The following TJP3 variants were observed in gnomAD, a reference collection of about 807,000 sequenced individuals.
The protein encoded by TJP3 is tight junction protein ZO-3.
A neutral mutation model predicts 104.2 loss-of-function variants in TJP3; 85 were observed. The observed-to-expected ratio is 0.82, with a 90% CI of 0.68 to 0.98. The LOEUF (loss-of-function observed/expected upper bound fraction) is 0.98. TJP3 is among the 50% of genes least tolerant of loss of function. TJP3 has a pLI of 0.00. For missense variants in TJP3, 1,367 were observed against 1,322.8 expected (o/e 1.03, Z -0.52); for synonymous variants, 550 against 550.6 (o/e 1.00, Z 0.02).
At chr19:3,745,503 G>A (rs1256282224) in intron 15 of TJP3, among the ~76,000 whole-genome samples, 6 of 152,086 alleles carry the variant, frequency 3.9e-5, no homozygotes, top group Non-Finnish European at 1.5e-5. Flanking sequence ...CTCCCTCCTT[G>A]AACCCCTCCA....
At chr19:3,725,956 C>A (rs570691240) in intron 1 of TJP3, among the ~76,000 whole-genome samples, 11 of 152,360 alleles carry the variant, frequency 7.2e-5, no homozygotes, top group African/African-American at 2.6e-4. Context: ...AACTGCAGAG[C>A]CCTGCCCTCT....
intron 8 of TJP3, among the ~76,000 whole-genome samples, chr19:3,735,118 A>G (rs996025956): frequency 6.6e-6 from 1 of 151,798 alleles, no homozygotes; most frequent in Non-Finnish European, 1.5e-5. Flanking sequence ...GGCCTGCCTC[A>G]GCCTCCCAAA....
chr19:3,723,447 T>C (rs2036563679), intron 1 of TJP3, among the ~76,000 whole-genome samples: 1 of 152,092 alleles, frequency 6.6e-6, no homozygotes, highest in African/African-American at 2.4e-5. Context: ...AGAAACATAC[T>C]AACCGATGGT....
At chr19:3,739,606 G>T (rs1211376395) in intron 13 of TJP3, among the ~76,000 whole-genome samples, 1 of 152,214 alleles carries the variant, frequency 6.6e-6, no homozygotes, top group Non-Finnish European at 1.5e-5. Flanking sequence ...GCTTCCTGTT[G>T]TTGCTGTAAC....
chr19:3,710,067 T>G (rs1487258113), intron 1 of TJP3, among the ~76,000 whole-genome samples: 5 of 149,130 alleles, frequency 3.4e-5, no homozygotes, highest in African/African-American at 1.2e-4. Context: ...GAGAATTGCT[T>G]GAACCCAGGA....
intron 20 of TJP3, 25 bp downstream of exon 20, chr19:3,750,209 G>C (rs1660325674): frequency 3.1e-6 from 5 of 1,613,672 alleles, no homozygotes; most frequent in Non-Finnish European, 3.4e-6. Flanking sequence ...TTCCAGATTG[G>C]GGCCCTCAAC....
chr19:3,717,582 C>A (rs1416834612), intron 1 of TJP3, among the ~76,000 whole-genome samples: 2 of 151,732 alleles, frequency 1.3e-5, no homozygotes, highest in Non-Finnish European at 2.9e-5. Flanking sequence ...ATTACAGGCG[C>A]CTGCCACCAT....
chr19:3,727,604 C>T (rs1053733835), intron 1 of TJP3, among the ~76,000 whole-genome samples: 8 of 152,058 alleles, frequency 5.3e-5, no homozygotes, highest in African/African-American at 7.2e-5. Context: ...GCAACTCAGG[C>T]GCTGTTCTAG....
At chr19:3,736,361 C>T (rs143740443) in intron 11 of TJP3, 40 bp downstream of exon 11, 15 of 1,489,298 alleles carry the variant, frequency 1.0e-5, no homozygotes, top group East Asian at 4.7e-5. Flanking sequence ...TGATCATGGG[C>T]GTGCAGTGTG....
At chr19:3,719,526 A>G (rs2036522552) in intron 1 of TJP3, among the ~76,000 whole-genome samples, 1 of 151,802 alleles carries the variant, frequency 6.6e-6, no homozygotes, top group South Asian at 2.1e-4. Context: ...ACTTGAGGCC[A>G]GGAGTTCGAG....
chr19:3,730,490 G>T lies in TJP3; in HGVS notation c.397G>T (p.Asp133Tyr). 1 of 1,586,022 alleles carries T rather than the reference G, an allele frequency of 6.3e-7. No individual in the cohort carries two copies. The change falls in exon 5 of 21, where the codon GAC (aspartate) becomes TAC (tyrosine). Residue 133 changes from aspartate to tyrosine, a missense_variant. Coordinates refer to ENST00000541714, the MANE Select transcript of TJP3 (RefSeq NM_001267560.2). The surrounding 1 kb of genome is among the most constrained non-coding windows in gnomAD (Gnocchi z 7.3). Reference sequence around the variant, plus strand: ...GGACCAGGGCCGGGGCTATGACGGCGACTCATCCAGTGGCTCCGGCCGCTC... The same window carrying T: ...GGACCAGGGCCGGGGCTATGACGGCTACTCATCCAGTGGCTCCGGCCGCTC... ...EVDQGRGYDG[D>Y]SSSGSGRSWD... is the part of the protein sequence containing the mutation.
intron 1 of TJP3, among the ~76,000 whole-genome samples, chr19:3,719,759 G>C (rs1218725725): frequency 6.6e-6 from 1 of 151,478 alleles, no homozygotes; most frequent in Admixed American, 6.6e-5. Flanking sequence ...AAAAAAGAAG[G>C]GAAGACATAT....
rs139718595 is a variant in TJP3 at position 3,738,632 on chromosome 19, G to T, written c.1362G>T (p.Glu454Asp). The T allele has an allele frequency of 5.0e-6, 8 of 1,613,808 alleles. No individual in the cohort carries two copies. Among genetic ancestry groups the T allele is most frequent in the Non-Finnish European group, 6.8e-6 (8 of 1,179,994 alleles). The part of the protein sequence containing the change: ...QFLLGLPPGE[E>D]MELVTQRKQD... ...TGCTGGGGCTGCCACCAGGCGAGGAGATGGAGCTGGTGACGCAGAGGAAGC... is the reference window on the plus strand; with the variant it reads ...TGCTGGGGCTGCCACCAGGCGAGGATATGGAGCTGGTGACGCAGAGGAAGC... The change falls in exon 12 of 21, where the codon GAG becomes GAT. Residue 454 changes from glutamate (E) to aspartate (D), a missense_variant. By Grantham distance (45) the Glu-to-Asp change is conservative. Coordinates refer to ENST00000541714, the MANE Select transcript of TJP3 (RefSeq NM_001267560.2).
At position 3,750,397 on chromosome 19, in the gene TJP3, C is replaced by T. The variant is rs890695765; in HGVS notation, c.2658-185C>T. ...AGGCCTAGGAAGGCTTCTTGAAGGG[C>T]AGGATATTGCAGCTGGGGCTTTGAG... On this transcript the variant is annotated intron_variant, in intron 20 of 20. Coordinates refer to ENST00000541714, the MANE Select transcript of TJP3 (RefSeq NM_001267560.2). 3.3e-5 allele frequency among the ~76,000 whole-genome samples: 5 copies of T among 152,100 alleles called. No homozygotes were observed. In the South Asian group the frequency reaches 6.2e-4, roughly 19 times the overall value.
rs780908137 is a variant in TJP3, at chr19:3,730,058, G to C, written c.189G>C (p.Gly63=). ...GCGACCACATCGTCATGGTGAACGG[G>C]GTTTCCATGGAGAATGCCACCTCCG... ...QTGDHIVMVN[G]VSMENATSAF... Residue 63 remains glycine (G), a synonymous_variant, in exon 4 of 21, where the codon GGG becomes GGC. Coordinates refer to ENST00000541714, the MANE Select transcript of TJP3 (RefSeq NM_001267560.2). The surrounding 1 kb of genome is among the most constrained non-coding windows in gnomAD (Gnocchi z 7.3). 1.2e-6 allele frequency: 2 copies of C among 1,613,936 alleles called. No homozygotes were observed. Among genetic ancestry groups the C allele is most frequent in the East Asian group, 4.5e-5 (2 of 44,870 alleles).
At position 3,730,593 on chromosome 19, in the gene TJP3, G is replaced by A. The variant is rs754553362; in HGVS notation, c.500G>A (p.Gly167Asp). ...AGSHGRRSPG[G>D]GSEANGLALV... ...AGCCATGGGCGTAGGAGCCCAGGTG[G>A]TGGCTCTGAGGCCAACGGGCTGGCC... is the stretch of plus-strand genomic sequence containing the variant. Residue 167 changes from glycine (G) to aspartate (D), a missense_variant, in exon 5 of 21, where the codon GGT becomes GAT. By Grantham distance (94) the Gly-to-Asp change is moderately conservative (BLOSUM62 -1). Coordinates refer to ENST00000541714, the MANE Select transcript of TJP3 (RefSeq NM_001267560.2). The surrounding 1 kb of genome is among the most constrained non-coding windows in gnomAD (Gnocchi z 7.3). 3 of 1,610,830 alleles carry A rather than the reference G, an allele frequency of 1.9e-6. No homozygotes were observed. The highest frequency in any genetic ancestry group is 2.5e-6 in the Non-Finnish European group (3 of 1,179,724).
rs111340481 is a variant in TJP3, at chr19:3,722,864, G to GGC, written c.-9-5559_-9-5558insCG. 1.3e-4 allele frequency among the ~76,000 whole-genome samples: 16 copies of GGC among 126,620 alleles called. 3 individuals are homozygous for GGC. Among genetic ancestry groups the GGC allele is most frequent in the Non-Finnish European group, 2.5e-4 (15 of 60,900 alleles). The allele number at this position is 126,620 out of a possible 152,430, so 83.1% of individuals were successfully genotyped here. A position where few individuals can be genotyped will look rare whatever the true frequency, so the allele number is the denominator to read the frequency against. On this transcript the variant is annotated intron_variant, in intron 1 of 20. Transcript: ENST00000541714. ...TCCTGGAGATGGGGTGGCGGGGGGG[G>GGC]GGGGCACAGGGGACGGCGGCCCGGG...
chr19:3,709,692 G>A lies in TJP3; in HGVS notation c.-10+1131G>A, dbSNP rs552274258. Among the ~76,000 whole-genome samples, 46 of 152,308 alleles carry A rather than the reference G, an allele frequency of 3.0e-4. 2 individuals are homozygous for A. In the Middle Eastern group the frequency reaches 0.024, roughly 79 times the overall value. ...GGGGTCACCTTGTGGCTGTGTGGCT[G>A]CAGAGCTCCCAGGGAGCAGGCTTGC... On this transcript the variant is annotated intron_variant, in intron 1 of 20. Coordinates refer to ENST00000541714, the MANE Select transcript of TJP3 (RefSeq NM_001267560.2).
At chr19:3,718,878 C>T (rs1010733970) in intron 1 of TJP3, among the ~76,000 whole-genome samples, 6 of 152,058 alleles carry the variant, frequency 3.9e-5, no homozygotes, top group South Asian at 2.1e-4. Flanking sequence ...AACAAATACA[C>T]GGCTATTTAA....
Sources: gnomAD v4.1 joint callset for allele counts (sites outside exome capture counted in the v4.1 genomes callset) on GRCh38, gnomAD v4.1.1 for gene constraint, Gnocchi (gnomAD v3.1) non-coding constraint, MANE v1.5 for transcripts, NCBI Gene and HGNC (gene_info 2026-07-23, HGNC 2026-07-21) for gene names.